Variants in EVL observed in about 807,000 individuals in gnomAD.
EVL encodes the protein ena/VASP-like protein.
A neutral mutation model predicts 59.6 loss-of-function variants in EVL; 21 were observed. The ratio of observed to expected loss-of-function variants is 0.35; its 90% CI spans 0.25 to 0.51. The LOEUF (loss-of-function observed/expected upper bound fraction) is 0.51. EVL is among the 20% of genes least tolerant of loss of function. The probability of loss-of-function intolerance (pLI) is 0.97; values close to 1 mark genes in which losing one functional copy is unlikely to be tolerated. For synonymous variants in EVL, 198 were observed against 203.5 expected (o/e 0.97, Z 0.23); for missense variants, 462 against 546.6 (o/e 0.85, Z 1.54).
intron 9 of EVL, 126 bp downstream of exon 9, chr14:100,136,094 G>T: frequency 9.1e-7 from 1 of 1,098,650 alleles, no homozygotes; most frequent in Non-Finnish European, 1.3e-6. Context: ...AGGCCACAGG[G>T]AAGCCCATTT....
chr14:100,137,870 C>CT, intron 11 of EVL, 68 bp downstream of exon 11: 1 of 1,471,220 alleles, frequency 6.8e-7, no homozygotes, highest in Non-Finnish European at 9.5e-7. Flanking sequence ...CGTCCCGTGA[C>CT]TAACACCCTT....
intron 1 of EVL, among the ~76,000 whole-genome samples, chr14:99,983,866 T>G (rs1343293768): frequency 6.6e-6 from 1 of 152,164 alleles, no homozygotes; most frequent in Non-Finnish European, 1.5e-5. Flanking sequence ...TAATTACCTT[T>G]GTGATATCCC....
chr14:100,010,718 G>A (rs1232904406), intron 1 of EVL, among the ~76,000 whole-genome samples: 1 of 152,124 alleles, frequency 6.6e-6, no homozygotes, highest in Non-Finnish European at 1.5e-5. Flanking sequence ...TTGTTTGTTC[G>A]TACCTCTGTA....
chr14:99,997,027 C>T (rs1317300254), intron 1 of EVL, among the ~76,000 whole-genome samples: 1 of 152,214 alleles, frequency 6.6e-6, no homozygotes, highest in Non-Finnish European at 1.5e-5. Context: ...AAATTGTAGA[C>T]TAGCAATTCC....
At chr14:100,136,085 G>A (rs532348790) in intron 9 of EVL, 117 bp downstream of exon 9, 1 of 1,187,848 alleles carries the variant, frequency 8.4e-7, no homozygotes, top group African/African-American at 1.5e-5. Flanking sequence ...CAGAGGGCCA[G>A]GCCACAGGGA....
At chr14:100,030,735 G>C (rs567928269) in intron 1 of EVL, among the ~76,000 whole-genome samples, 1 of 152,298 alleles carries the variant, frequency 6.6e-6, no homozygotes, top group Admixed American at 6.5e-5. Context: ...AGATTAATAA[G>C]TTCCTTGCAG....
In EVL at chr14:100,067,108, C is replaced by T. The variant is rs187837350; in HGVS notation, c.11+1597C>T. 3.7e-4 allele frequency among the ~76,000 whole-genome samples: 57 copies of T among 152,276 alleles called. 1 individual carries two copies. The highest frequency in any genetic ancestry group is 1.3e-3 in the African/African-American group (53 of 41,552). ...AAGCAAAAGCCCAGGTTTTCTGGTG[C>T]GTCCCTCCCCCGTACAAGGCTGCTT... On this transcript the variant is annotated intron_variant, in intron 1 of 13. Coordinates refer to ENST00000392920, the MANE Select transcript of EVL (RefSeq NM_016337.3).
chr14:100,144,018 G>T lies in EVL; in HGVS notation c.*280G>T. 1 of 485,138 alleles carries T rather than the reference G, an allele frequency of 2.1e-6. No individual in the cohort carries two copies. The highest frequency in any genetic ancestry group is 3.7e-6 in the Non-Finnish European group (1 of 273,290). 30.1% of individuals were successfully genotyped at this position (485,138 alleles called of 1,614,324 possible). On this transcript the variant is annotated 3_prime_UTR_variant, in exon 14 of 14. Coordinates refer to ENST00000392920, the MANE Select transcript of EVL (RefSeq NM_016337.3). ...TACATTTCTTTGGGTTTCTAGAGACGCCCCTAAGTCACCTGCTTCATTAGA... is the reference window on the plus strand; with the variant it reads ...TACATTTCTTTGGGTTTCTAGAGACTCCCCTAAGTCACCTGCTTCATTAGA...
At chr14:100,104,679 A>G (rs1328278754) in intron 3 of EVL, among the ~76,000 whole-genome samples, 1 of 152,250 alleles carries the variant, frequency 6.6e-6, no homozygotes, top group African/African-American at 2.4e-5. Flanking sequence ...TAGTCATAAC[A>G]GTTACCAGTC....
At chr14:100,136,469 G>A (rs75330190) in intron 9 of EVL, among the ~76,000 whole-genome samples, 1,923 of 152,324 alleles carry the variant, frequency 0.013, 38 homozygotes, top group African/African-American at 0.044. Context: ...CAGATGGGAG[G>A]TAGTTAGGAG....
chr14:100,123,502 C>A, intron 3 of EVL, 37 bp from the exon 4 acceptor site: 1 of 1,611,282 alleles, frequency 6.2e-7, no homozygotes, highest in Non-Finnish European at 8.5e-7. Flanking sequence ...GCCTTTCTTC[C>A]TCTAACCACA....
chr14:100,102,540 G>A, intron 3 of EVL: 1 of 364,350 alleles, frequency 2.7e-6, no homozygotes, highest in South Asian at 2.1e-5. Context: ...CTAGAGCCAT[G>A]TTGGTGGGTC....
intron 3 of EVL, among the ~76,000 whole-genome samples, chr14:100,099,124 C>G (rs1010205102): frequency 7.1e-6 from 1 of 141,252 alleles, no homozygotes; most frequent in Admixed American, 7.7e-5. Flanking sequence ...AGAAGGATCA[C>G]TTGAGGTCCG....
intron 1 of EVL, among the ~76,000 whole-genome samples, chr14:99,980,218 G>T (rs2060797539): frequency 6.6e-6 from 1 of 152,116 alleles, no homozygotes; most frequent in Non-Finnish European, 1.5e-5. Context: ...AATATGAGAT[G>T]GAGACTTAAA....
chr14:100,132,848 G>A, intron 8 of EVL, 69 bp downstream of exon 8: 1 of 1,568,856 alleles, frequency 6.4e-7, no homozygotes, highest in Non-Finnish European at 8.8e-7. Flanking sequence ...GAGGCTCTCT[G>A]GTCTCAGGCG....
At chr14:100,058,631 A>C (rs1228618179) in intron 1 of EVL, among the ~76,000 whole-genome samples, 1 of 152,196 alleles carries the variant, frequency 6.6e-6, no homozygotes, top group African/African-American at 2.4e-5. Context: ...CCACTCCTGC[A>C]GTACATGGTT....
At chr14:100,061,793 A>T (rs1238408517), upstream of EVL, among the ~76,000 whole-genome samples, 1 of 152,182 alleles carries the variant, frequency 6.6e-6, no homozygotes, top group African/African-American at 2.4e-5. Context: ...TAGAGAAAAA[A>T]TTTTATTAAA....
chr14:100,119,624 T>A (rs1314421636), intron 3 of EVL, among the ~76,000 whole-genome samples: 1 of 152,248 alleles, frequency 6.6e-6, no homozygotes, highest in Non-Finnish European at 1.5e-5. Context: ...AGCAGAAAGA[T>A]CAACAGTGTG....
Position 100,114,791 on chromosome 14 carries a change from T to G in EVL, c.359-8748T>G, listed in dbSNP as rs1332614144. On this transcript the variant is annotated intron_variant, in intron 3 of 13. Transcript: ENST00000392920. The surrounding 1 kb of genome is among the most constrained non-coding windows in gnomAD (Gnocchi z 5.0). ...GGCCTCTCCTTTCACTCCCACCTGC[T>G]CCGGGGGTGGGGGTGGGAGTGCTGG... Among the ~76,000 whole-genome samples the G allele has an allele frequency of 6.6e-6, 1 of 152,078 alleles. No individual in the cohort carries two copies. The highest frequency in any genetic ancestry group is 1.5e-5 in the Non-Finnish European group (1 of 67,998).
Sources: gnomAD v4.1 joint callset for allele counts (sites outside exome capture counted in the v4.1 genomes callset) on GRCh38, gnomAD v4.1.1 for gene constraint, Gnocchi (gnomAD v3.1) non-coding constraint, MANE v1.5 for transcripts, NCBI Gene and HGNC (gene_info 2026-07-23, HGNC 2026-07-21) for gene names.